LAMA2: variants seen among roughly 807,000 people sequenced by gnomAD.
LAMA2 encodes laminin subunit alpha-2.
LAMA2 carries 269 observed loss-of-function variants against 364.8 expected under a neutral mutation model. That is an observed-to-expected ratio of 0.74 (90% CI 0.67 to 0.82). The LOEUF (loss-of-function observed/expected upper bound fraction) is 0.82, where lower values mean the gene tolerates loss of function less well. Among genes scored for constraint, LAMA2 ranks in the 40% least tolerant of loss-of-function variants. The probability of loss-of-function intolerance (pLI) is 0.00; values close to 1 mark genes in which losing one functional copy is unlikely to be tolerated. For synonymous variants in LAMA2, 1,379 were observed against 1,370.6 expected, an observed-to-expected ratio of 1.01 and a Z score of -0.14; for missense variants, 3,807 against 3,873.2, an observed-to-expected ratio of 0.98 and a Z score of 0.45.
At position 129,516,050 on chromosome 6, in the gene LAMA2, A is replaced by AT. The variant is rs1787042995; in HGVS notation, c.9212-140_9212-139insT. 9 of 974,422 alleles carry AT rather than the reference A, an allele frequency of 9.2e-6. No individual in the cohort carries two copies. The South Asian group carries it at 1.2e-4, about 13-fold the overall frequency. 60.4% of individuals were successfully genotyped at this position (974,422 alleles called of 1,614,324 possible). A position where few individuals can be genotyped will look rare whatever the true frequency, so the allele number is the denominator to read the frequency against. On this transcript the variant is annotated intron_variant, in intron 64 of 64. Transcript: ENST00000421865. ...TTTCTTTCTCTACAATTCTATTAGT[A>AT]AGGCTAAAAACAAAACCACTAACTT...
intron 12 of LAMA2, among the ~76,000 whole-genome samples, chr6:129,214,472 A>G: frequency 6.6e-6 from 1 of 152,204 alleles, no homozygotes; most frequent in East Asian, 1.9e-4. Context: ...TGATTGTGAC[A>G]AACCATATTC....
intron 1 of LAMA2, among the ~76,000 whole-genome samples, chr6:129,043,683 ATT>A (rs201401599): frequency 6.6e-6 from 1 of 151,072 alleles, no homozygotes; most frequent in Non-Finnish European, 1.5e-5. Flanking sequence ...TATGTCTAGT[ATT>A]TTTTTTTAAT....
At chr6:129,411,569 A>G (rs1469105758) in intron 40 of LAMA2, among the ~76,000 whole-genome samples, 5 of 152,108 alleles carry the variant, frequency 3.3e-5, no homozygotes, top group African/African-American at 1.2e-4. Flanking sequence ...GAGAGTAAAA[A>G]CTCCATAGAA....
At chr6:129,462,406 A>G (rs938650104) in intron 49 of LAMA2, among the ~76,000 whole-genome samples, 2 of 151,896 alleles carry the variant, frequency 1.3e-5, no homozygotes, top group African/African-American at 4.8e-5. Context: ...CAAGCACTCT[A>G]TCTCGGAAAT....
intron 10 of LAMA2, among the ~76,000 whole-genome samples, chr6:129,180,501 T>C (rs1046642337): frequency 6.6e-6 from 1 of 152,124 alleles, no homozygotes; most frequent in Non-Finnish European, 1.5e-5. Flanking sequence ...CTTACTGAAG[T>C]GTGAAGACAT....
Position 129,414,537 on chromosome 6 carries a change from G to A in LAMA2, c.5865+10578G>A, listed in dbSNP as rs115012806. 7.9e-3 allele frequency among the ~76,000 whole-genome samples: 1,197 copies of A among 152,104 alleles called. 16 individuals carry two copies. Among genetic ancestry groups the A allele is most frequent in the African/African-American group, 0.027 (1,100 of 41,484 alleles). On this transcript the variant is annotated intron_variant, in intron 40 of 64. Transcript: ENST00000421865. The stretch of plus-strand genomic sequence containing the variant: ...GAGGTGTCTGTATTAATTTCTAATC[G>A]TATCTATCTTATTTCCTACTTAAAT...
rs186077890 is a variant in LAMA2, at chr6:128,963,024, C to G, written c.112+79667C>G. Among the ~76,000 whole-genome samples, 57 of 152,174 alleles carry G rather than the reference C, an allele frequency of 3.7e-4. No individual in the cohort carries two copies. The East Asian group carries it at 9.3e-3, about 25-fold the overall frequency. ...GTACCTCTGTTGTCTTTTAAATATTCCTTTTTTGGAAAAGCAAAACAAGAC... is the reference window on the plus strand; with the variant it reads ...GTACCTCTGTTGTCTTTTAAATATTGCTTTTTTGGAAAAGCAAAACAAGAC... On this transcript the variant is annotated intron_variant, in intron 1 of 64. Transcript: ENST00000421865.
intron 4 of LAMA2, among the ~76,000 whole-genome samples, chr6:129,117,511 T>G (rs1257543177): frequency 6.6e-6 from 1 of 152,200 alleles, no homozygotes; most frequent in Non-Finnish European, 1.5e-5. Flanking sequence ...GTTAAATTAC[T>G]TGACAGGAAC....
At chr6:129,099,124 TG>T (rs1425954724) in intron 4 of LAMA2, among the ~76,000 whole-genome samples, 8 of 71,826 alleles carry the variant, frequency 1.1e-4, no homozygotes, top group African/African-American at 2.9e-4. Flanking sequence ...GTTTTTTTTT[TG>T]TTTTTTTTTT....
intron 1 of LAMA2, among the ~76,000 whole-genome samples, chr6:129,006,126 T>C (rs1431645580): frequency 1.3e-5 from 2 of 152,086 alleles, no homozygotes; most frequent in African/African-American, 4.8e-5. Context: ...TCAATCAGTA[T>C]ACAGTAAATC....
chr6:129,213,339 T>G (rs1237394782), intron 12 of LAMA2, among the ~76,000 whole-genome samples: 1 of 152,234 alleles, frequency 6.6e-6, no homozygotes, highest in Non-Finnish European at 1.5e-5. Flanking sequence ...CTATAAACAC[T>G]TATGTGATAA....
At chr6:128,927,079 C>T (rs953404114) in intron 1 of LAMA2, among the ~76,000 whole-genome samples, 3 of 152,122 alleles carry the variant, frequency 2.0e-5, no homozygotes, top group Admixed American at 6.6e-5. Context: ...TGAGAATGAT[C>T]GATGGCTACT....
intron 1 of LAMA2, among the ~76,000 whole-genome samples, chr6:129,026,277 A>G (rs1785810873): frequency 6.6e-6 from 1 of 152,210 alleles, no homozygotes; most frequent in Admixed American, 6.5e-5. Flanking sequence ...TTCATACTGT[A>G]TCAGCTAAAT....
chr6:129,084,059 A>T (rs1774229907), intron 3 of LAMA2, among the ~76,000 whole-genome samples: 1 of 152,220 alleles, frequency 6.6e-6, no homozygotes, highest in Non-Finnish European at 1.5e-5. Context: ...GTGTTGCTTG[A>T]TAATATTTGT....
At chr6:129,168,772 C>T (rs1400331185) in intron 9 of LAMA2, among the ~76,000 whole-genome samples, 7 of 142,584 alleles carry the variant, frequency 4.9e-5, no homozygotes, top group Admixed American at 1.4e-4. Context: ...GCCATTTTCA[C>T]GATATTGATT....
At chr6:129,127,626 A>G (rs1777191818) in intron 4 of LAMA2, among the ~76,000 whole-genome samples, 1 of 152,170 alleles carries the variant, frequency 6.6e-6, no homozygotes. Context: ...GTACTAATTT[A>G]CATTCCCACC....
intron 51 of LAMA2, among the ~76,000 whole-genome samples, chr6:129,470,769 T>C (rs1562593886): frequency 2.0e-5 from 3 of 151,860 alleles, no homozygotes; most frequent in Admixed American, 2.0e-4. Flanking sequence ...TCCAGCAATG[T>C]GGATGATTGC....
intron 49 of LAMA2, among the ~76,000 whole-genome samples, chr6:129,462,245 C>T (rs918604914): frequency 1.3e-5 from 2 of 151,972 alleles, no homozygotes; most frequent in African/African-American, 4.8e-5. Context: ...TTCTTCCCAG[C>T]ATAATCATGT....
chr6:129,277,724 A>G (rs952592261), intron 17 of LAMA2, among the ~76,000 whole-genome samples: 3 of 152,172 alleles, frequency 2.0e-5, no homozygotes, highest in Non-Finnish European at 4.4e-5. Context: ...GATTTTGTGA[A>G]AATGTGATAA....
Sources: allele counts gnomAD v4.1 joint callset (sites outside exome capture counted in the v4.1 genomes callset), GRCh38; gene constraint gnomAD v4.1.1; transcripts MANE v1.5; gene names NCBI Gene and HGNC (gene_info 2026-07-23, HGNC 2026-07-21).